AMD1: variants seen among roughly 807,000 people sequenced by gnomAD.
AMD1 encodes S-adenosylmethionine decarboxylase proenzyme.
AMD1 carries 11 observed loss-of-function variants against 40.2 expected under a neutral mutation model. The observed-to-expected ratio is 0.27, with a 90% CI of 0.17 to 0.45. The LOEUF is 0.45. Ranked by LOEUF, AMD1 falls within the 20% of genes least tolerant of loss-of-function variation. AMD1 has a pLI of 1.00. For synonymous variants in AMD1, 121 were observed against 130.8 expected (o/e 0.93, Z 0.51); for missense variants, 257 against 410.2 (o/e 0.63, Z 3.23).
chr6:110,889,014 G>C, intron 3 of AMD1, 31 bp downstream of exon 3: 1 of 1,605,530 alleles, frequency 6.2e-7, no homozygotes, highest in African/African-American at 1.3e-5. Context: ...ATATTTTTCA[G>C]GCATAAATGT....
intron 1 of AMD1, among the ~76,000 whole-genome samples, chr6:110,886,472 A>C (rs1785693764): frequency 6.6e-6 from 1 of 151,944 alleles, no homozygotes; most frequent in Admixed American, 6.6e-5. Flanking sequence ...CGCCCGGCTA[A>C]TTTTTGTATT....
the AMD1 span, among the ~76,000 whole-genome samples, chr6:110,820,469 C>G: frequency 6.6e-6 from 1 of 151,990 alleles, no homozygotes; most frequent in South Asian, 2.1e-4. Context: ...CTCCCGACCT[C>G]CAGGTGAGCT....
the AMD1 span, among the ~76,000 whole-genome samples, chr6:110,837,123 C>G: frequency 7.6e-6 from 1 of 131,842 alleles, no homozygotes; most frequent in Admixed American, 8.5e-5. Flanking sequence ...CACCACTGCA[C>G]TACAGTCTGA....
At chr6:110,844,402 C>T in the AMD1 span, among the ~76,000 whole-genome samples, 1 of 151,524 alleles carries the variant, frequency 6.6e-6, no homozygotes, top group Admixed American at 6.6e-5. Flanking sequence ...AGGTGATCCT[C>T]CCGCCTTGGC....
chr6:110,827,788 C>G, the AMD1 span, among the ~76,000 whole-genome samples: 1 of 150,180 alleles, frequency 6.7e-6, no homozygotes. Context: ...AAAAACACTA[C>G]GAGAATGTTG....
the AMD1 span, among the ~76,000 whole-genome samples, chr6:110,863,696 T>C: frequency 5.3e-5 from 8 of 151,942 alleles, 1 homozygote; most frequent in Non-Finnish European, 8.8e-5. Flanking sequence ...AATTACACAT[T>C]AGACTTTGAG....
chr6:110,825,670 A>G, the AMD1 span, among the ~76,000 whole-genome samples: 1 of 152,200 alleles, frequency 6.6e-6, no homozygotes, highest in East Asian at 1.9e-4. Context: ...ATTTCAGAGC[A>G]TTTGCTGCCA....
At chr6:110,878,067 A>C (rs1785206225) in intron 1 of AMD1, among the ~76,000 whole-genome samples, 1 of 152,186 alleles carries the variant, frequency 6.6e-6, no homozygotes, top group Admixed American at 6.5e-5. Context: ...GTCCTAGAAC[A>C]CCTAAATAAC....
the AMD1 span, among the ~76,000 whole-genome samples, chr6:110,869,227 G>T: frequency 1.4e-4 from 21 of 151,314 alleles, no homozygotes; most frequent in African/African-American, 4.1e-4. Context: ...GCCTCCCGGG[G>T]TCCCGCCATT....
the AMD1 span, among the ~76,000 whole-genome samples, chr6:110,829,887 C>T: frequency 2.6e-5 from 4 of 151,934 alleles, no homozygotes; most frequent in African/African-American, 9.7e-5. Flanking sequence ...TTCTGAGAAC[C>T]CTGAAGGCTT....
chr6:110,861,092 C>T, the AMD1 span, among the ~76,000 whole-genome samples: 10 of 152,206 alleles, frequency 6.6e-5, 1 homozygote, highest in South Asian at 1.5e-3. Flanking sequence ...GGCACGCTGG[C>T]TCACTCCTGT....
At chr6:110,814,970 G>A in the AMD1 span, 7 of 1,597,028 alleles carry the variant, frequency 4.4e-6, no homozygotes, top group African/African-American at 2.8e-5. Context: ...GGCAGGGCGA[G>A]GACCCGAGCG....
At chr6:110,838,720 A>G in the AMD1 span, among the ~76,000 whole-genome samples, 1 of 151,744 alleles carries the variant, frequency 6.6e-6, no homozygotes, top group South Asian at 2.1e-4. Flanking sequence ...TTGGTCTGGC[A>G]TGGTGGCAGG....
the AMD1 span, among the ~76,000 whole-genome samples, chr6:110,860,858 CACACACACACACAG>C: frequency 1.0e-4 from 15 of 150,598 alleles, no homozygotes; most frequent in African/African-American, 3.4e-4. Context: ...CACACACACA[CACACACACACACAG>C]AGAGAGAGAA....
At chr6:110,847,042 AGTGTGTGTGTGTGTGTGTGTGGTGT>A in the AMD1 span, among the ~76,000 whole-genome samples, 2 of 146,284 alleles carry the variant, frequency 1.4e-5, no homozygotes, top group East Asian at 4.1e-4. Flanking sequence ...GAACTAGGAG[AGTGTGTGTGTGTGTGTGTGTGGTGT>A]GTGTGTGTGT....
At chr6:110,815,009 C>A in the AMD1 span, 1 of 1,604,402 alleles carries the variant, frequency 6.2e-7, no homozygotes, top group South Asian at 1.1e-5. Flanking sequence ...CTGCTCTTAC[C>A]CATCTTTCCG....
In AMD1 at chr6:110,893,772, T is replaced by A; in HGVS notation, c.*156T>A. 1 of 761,672 alleles carries A rather than the reference T, an allele frequency of 1.3e-6. No homozygotes were observed. Among genetic ancestry groups the A allele is most frequent in the Non-Finnish European group, 2.0e-6 (1 of 490,884 alleles). The allele number at this position is 761,672 out of a possible 1,614,324, so 47.2% of individuals were successfully genotyped here. ...ATGATAGTGTAATCATTTTGAATTG[T>A]ATGCATTATTATATCAAGGAGTTAG... On this transcript the variant is annotated 3_prime_UTR_variant, in exon 9 of 9. Transcript: ENST00000368885.
At position 110,894,361 on chromosome 6, in the gene AMD1, G is replaced by T. The variant is rs936505433; in HGVS notation, c.*745G>T. The T allele has an allele frequency of 1.3e-5, 2 of 152,626 alleles. No individual in the cohort carries two copies. The highest frequency in any genetic ancestry group is 2.9e-5 in the Non-Finnish European group (2 of 68,044). The allele number at this position is 152,626 out of a possible 1,614,324, so 9.5% of individuals were successfully genotyped here. A position where few individuals can be genotyped will look rare whatever the true frequency, so the allele number is the denominator to read the frequency against. On this transcript the variant is annotated 3_prime_UTR_variant, in exon 9 of 9. Coordinates refer to ENST00000368885, the MANE Select transcript of AMD1 (RefSeq NM_001634.6). ...ATTCTATACCCCAGATGGGGAATGGGGGAGATGGTCCCTGGGCTTAATATT... is the reference window on the plus strand; with the variant it reads ...ATTCTATACCCCAGATGGGGAATGGTGGAGATGGTCCCTGGGCTTAATATT...
the AMD1 span, among the ~76,000 whole-genome samples, chr6:110,855,740 G>T: frequency 2.0e-5 from 3 of 152,068 alleles, no homozygotes; most frequent in African/African-American, 7.2e-5. Context: ...GTTCCATCAG[G>T]TATTCTTTGG....
Sources: allele counts gnomAD v4.1 joint callset (sites outside exome capture counted in the v4.1 genomes callset), GRCh38; gene constraint gnomAD v4.1.1; transcripts MANE v1.5; gene names NCBI Gene and HGNC (gene_info 2026-07-23, HGNC 2026-07-21).